The following RTTN variants were observed in gnomAD, a reference collection of about 807,000 sequenced individuals.
The protein encoded by RTTN is rotatin.
Under a neutral mutation model 269.2 loss-of-function variants are expected in RTTN, and 182 were observed. The ratio of observed to expected loss-of-function variants is 0.68; its 90% CI spans 0.60 to 0.76. The LOEUF (loss-of-function observed/expected upper bound fraction) is 0.76. Ranked by LOEUF, RTTN falls within the 30% of genes least tolerant of loss-of-function variation. The pLI is 0.00. For synonymous variants in RTTN, 1,006 were observed against 963.5 expected, an observed-to-expected ratio of 1.04 and a Z score of -0.82; for missense variants, 2,545 against 2,608.6, an observed-to-expected ratio of 0.98 and a Z score of 0.53.
rs772868729 is a variant in RTTN, at chr18:70,134,590, A to G, written c.2886-49T>C. On this transcript the variant is annotated intron_variant, in intron 22 of 48. Transcript: ENST00000640769. ...AACAAAGAAACAACTGAGTAGACCAAGTTTTGTCTAACAAATACAACTTAC... is the reference window on the plus strand; with the variant it reads ...AACAAAGAAACAACTGAGTAGACCAGGTTTTGTCTAACAAATACAACTTAC... The G allele has an allele frequency of 3.7e-6, 5 of 1,340,934 alleles. No individual in the cohort carries two copies. In the Admixed American group the frequency reaches 8.1e-5, roughly 22 times the overall value. The allele number at this position is 1,340,934 out of a possible 1,614,324, so 83.1% of individuals were successfully genotyped here.
At chr18:70,175,809 C>T (rs1336653544) in intron 11 of RTTN, among the ~76,000 whole-genome samples, 2 of 151,980 alleles carry the variant, frequency 1.3e-5, no homozygotes, top group East Asian at 3.9e-4. Context: ...GAAAAGGTTC[C>T]ATGACATTAA....
chr18:70,026,488 G>A (rs1599156522), intron 43 of RTTN, among the ~76,000 whole-genome samples: 1 of 152,062 alleles, frequency 6.6e-6, no homozygotes, highest in Non-Finnish European at 1.5e-5. Flanking sequence ...TGATGTGCCT[G>A]TTCCCCTTTT....
intron 21 of RTTN, among the ~76,000 whole-genome samples, chr18:70,135,576 C>CTT (rs1211657008): frequency 6.6e-6 from 1 of 152,150 alleles, no homozygotes; most frequent in Non-Finnish European, 1.5e-5. Context: ...TAGATACACT[C>CTT]ACTAGACACT....
At chr18:70,155,247 G>A (rs2060643353) in intron 14 of RTTN, among the ~76,000 whole-genome samples, 1 of 151,600 alleles carries the variant, frequency 6.6e-6, no homozygotes, top group Non-Finnish European at 1.5e-5. Context: ...AATCCCTAAA[G>A]GCAAGGCAGA....
chr18:70,137,482 C>G (rs996176066), intron 21 of RTTN, among the ~76,000 whole-genome samples: 1 of 152,054 alleles, frequency 6.6e-6, no homozygotes, highest in Non-Finnish European at 1.5e-5. Context: ...ACACATACTC[C>G]CCTGTTTAAC....
At chr18:70,196,381 G>T (rs2061806993) in intron 7 of RTTN, 120 bp downstream of exon 7, 2 of 744,916 alleles carry the variant, frequency 2.7e-6, no homozygotes, top group Non-Finnish European at 4.3e-6. Context: ...ACATTTAGGA[G>T]TGGGGAGTTT....
Position 70,201,990 on chromosome 18 carries a change from A to G in RTTN, c.398-7T>C. ...TCAGGGTTTTTTGACAATTCTGAAA[A>G]GGAAATAAACATTACTGTATTGTCG... On this transcript the variant is annotated splice_polypyrimidine_tract_variant and splice_region_variant and intron_variant, in intron 3 of 48. Coordinates refer to ENST00000640769, the MANE Select transcript of RTTN (RefSeq NM_173630.4). 6.5e-7 allele frequency: 1 copy of G among 1,532,732 alleles called. No individual in the cohort carries two copies. The allele number at this position is 1,532,732 out of a possible 1,614,324, so 94.9% of individuals were successfully genotyped here.
intron 28 of RTTN, among the ~76,000 whole-genome samples, chr18:70,095,388 T>C (rs1205342343): frequency 6.6e-6 from 1 of 152,224 alleles, no homozygotes; most frequent in Admixed American, 6.5e-5. Context: ...AGTTTCTTCA[T>C]AGCATCAATG....
At position 70,201,949 on chromosome 18, in the gene RTTN, A is replaced by G. The variant is rs777292608; in HGVS notation, c.432T>C (p.Tyr144=). The G allele has an allele frequency of 2.5e-6, 4 of 1,611,266 alleles. No homozygotes were observed. The highest frequency in any genetic ancestry group is 3.4e-6 in the Non-Finnish European group (4 of 1,177,678). ...LSKNPEILTG[Y]FPQDKSNFQQ... ...GGAAATTACTTTTGTCTTGGGGAAA[A>G]TATCCTGTTAAGATTTCAGGGTTTT... The change falls in exon 4 of 49, where the codon TAT becomes TAC. Residue 144 remains tyrosine, a synonymous_variant. Coordinates refer to ENST00000640769, the MANE Select transcript of RTTN (RefSeq NM_173630.4).
intron 10 of RTTN, among the ~76,000 whole-genome samples, chr18:70,184,882 G>A (rs761432555): frequency 8.6e-5 from 13 of 150,334 alleles, no homozygotes; most frequent in South Asian, 2.1e-4. Flanking sequence ...GCAACAGAGC[G>A]AGGACTACAT....
chr18:70,145,012 T>G (rs1055110040), intron 18 of RTTN, among the ~76,000 whole-genome samples: 8 of 152,148 alleles, frequency 5.3e-5, no homozygotes, highest in African/African-American at 1.7e-4. Flanking sequence ...GACAGGAAAA[T>G]GTATTTACAG....
intron 35 of RTTN, among the ~76,000 whole-genome samples, chr18:70,063,296 A>G (rs2058042568): frequency 6.6e-6 from 1 of 152,236 alleles, no homozygotes; most frequent in African/African-American, 2.4e-5. Flanking sequence ...TTTAATAAAT[A>G]AAAAAGTATC....
At chr18:70,192,441 G>C (rs143414055) in intron 8 of RTTN, among the ~76,000 whole-genome samples, 3 of 152,264 alleles carry the variant, frequency 2.0e-5, no homozygotes, top group East Asian at 3.9e-4. Context: ...AGCACTTTAC[G>C]AGGCCAAGAT....
In RTTN at chr18:70,075,343, C is replaced by T. The variant is rs374382343; in HGVS notation, c.4564+9G>A. ...TACAAAAATAAAAATACAAAGATAT[C>T]GTACTTACCATTTAAATCATTGCTT... On this transcript the variant is annotated intron_variant, in intron 33 of 48. Transcript: ENST00000640769. 4.8e-5 allele frequency: 73 copies of T among 1,514,950 alleles called. No homozygotes were observed. The highest frequency in any genetic ancestry group is 6.3e-5 in the Non-Finnish European group (71 of 1,122,356). The allele number at this position is 1,514,950 out of a possible 1,614,324, so 93.8% of individuals were successfully genotyped here. A position where few individuals can be genotyped will look rare whatever the true frequency, so the allele number is the denominator to read the frequency against.
chr18:70,141,898 C>T (rs934030388), intron 19 of RTTN, among the ~76,000 whole-genome samples: 3 of 152,124 alleles, frequency 2.0e-5, no homozygotes, highest in African/African-American at 7.2e-5. Context: ...AAATATGATG[C>T]ATGCACTCAG....
In RTTN at chr18:70,073,913, T is replaced by C. The variant is rs752775308; in HGVS notation, c.4646A>G (p.Glu1549Gly). The change falls in exon 34 of 49, where the codon GAA becomes GGA. Residue 1549 changes from glutamate (E) to glycine (G), a missense_variant. By Grantham distance (98) the Glu-to-Gly change is moderately conservative. Coordinates refer to ENST00000640769, the MANE Select transcript of RTTN (RefSeq NM_173630.4). ...DRDPSSLSTS[E>G]TTVAPSLGST... Reference sequence around the variant, plus strand: ...TGCATTCTTTGCAAGTACCGTTGTTTCTGAGGTGGAGAGAGAACTTGGATC... The same window carrying C: ...TGCATTCTTTGCAAGTACCGTTGTTCCTGAGGTGGAGAGAGAACTTGGATC... The C allele has an allele frequency of 1.2e-6, 2 of 1,610,106 alleles. No homozygotes were observed. Among genetic ancestry groups the C allele is most frequent in the Non-Finnish European group, 1.7e-6 (2 of 1,176,882 alleles).
intron 12 of RTTN, among the ~76,000 whole-genome samples, chr18:70,168,099 A>G (rs577100905): frequency 1.4e-4 from 20 of 141,966 alleles, no homozygotes; most frequent in Non-Finnish European, 3.1e-4. Context: ...AGCCTAGGCA[A>G]CTGAGAAGGC....
intron 21 of RTTN, among the ~76,000 whole-genome samples, chr18:70,138,095 A>G (rs890634078): frequency 2.0e-5 from 3 of 152,180 alleles, no homozygotes; most frequent in African/African-American, 7.2e-5. Flanking sequence ...CCTGGCCAAC[A>G]TGGAGAAACC....
At chr18:70,080,508 T>C (rs1451487407) in intron 32 of RTTN, among the ~76,000 whole-genome samples, 2 of 152,174 alleles carry the variant, frequency 1.3e-5, no homozygotes, top group Admixed American at 6.5e-5. Flanking sequence ...AAACAGATTA[T>C]AGCCCATTAA....
Sources: allele counts gnomAD v4.1 joint callset (sites outside exome capture counted in the v4.1 genomes callset), GRCh38; gene constraint gnomAD v4.1.1; transcripts MANE v1.5; gene names NCBI Gene and HGNC (gene_info 2026-07-23, HGNC 2026-07-21).